The following COL5A1 variants were observed in gnomAD, a reference collection of about 807,000 sequenced individuals.
The protein encoded by COL5A1 is collagen alpha-1(V) chain.
In COL5A1, 16 loss-of-function variants were observed where a neutral mutation model predicts 263.7. The observed-to-expected ratio is 0.06, with a 90% CI of 0.04 to 0.09. The LOEUF (loss-of-function observed/expected upper bound fraction) is 0.09, where lower values mean the gene tolerates loss of function less well. Ranked by LOEUF, COL5A1 falls within the 10% of genes least tolerant of loss-of-function variation. The pLI, the probability that COL5A1 is intolerant of heterozygous loss-of-function variation, is 1.00. For missense variants in COL5A1, 2,036 were observed against 2,540.5 expected (o/e 0.80, Z 4.27); for synonymous variants, 1,012 against 1,004.5 (o/e 1.01, Z -0.14).
chr9:134,752,886 C>T (rs1278336126), intron 14 of COL5A1, among the ~76,000 whole-genome samples: 1 of 152,082 alleles, frequency 6.6e-6, no homozygotes, highest in African/African-American at 2.4e-5. Flanking sequence ...TGAGGGAGTT[C>T]AGCGGGGTAG....
rs747055973 is a variant in COL5A1, at chr9:134,708,730, A to C, written c.654+7397A>C. 69 of 501,404 alleles carry C rather than the reference A, an allele frequency of 1.4e-4. 1 individual carries two copies. The Middle Eastern group carries it at 3.2e-3, about 23-fold the overall frequency. 31.1% of individuals were successfully genotyped at this position (501,404 alleles called of 1,614,324 possible). A position where few individuals can be genotyped will look rare whatever the true frequency, so the allele number is the denominator to read the frequency against. ...AAGGGACAAGGACATTGCACTCTGC[A>C]TGATCTCCTGGGACTGCTGCAACCA... On this transcript the variant is annotated intron_variant, in intron 4 of 65. Coordinates refer to ENST00000371817, the MANE Select transcript of COL5A1 (RefSeq NM_000093.5).
chr9:134,832,862 G>C (rs1353663053), intron 64 of COL5A1: 1 of 152,262 alleles, frequency 6.6e-6, no homozygotes, highest in Non-Finnish European at 1.5e-5. Context: ...TGCTCACTTT[G>C]GGCTTTTTCT....
intron 5 of COL5A1, 142 bp from the exon 6 acceptor site, chr9:134,728,528 C>T: frequency 8.8e-7 from 1 of 1,134,234 alleles, no homozygotes; most frequent in Non-Finnish European, 1.3e-6. Context: ...GGAACCCCAT[C>T]CGGGGACCCA....
chr9:134,727,739 T>C (rs774448965), intron 5 of COL5A1, among the ~76,000 whole-genome samples: 6 of 152,220 alleles, frequency 3.9e-5, no homozygotes, highest in Non-Finnish European at 5.9e-5. Context: ...CTCGATCCAC[T>C]GGAGGGGCCA....
rs926426117 is a variant in COL5A1 at position 134,806,271 on chromosome 9, G to C, written c.3341G>C (p.Gly1114Ala). ...AGACCTGGGCCCCAGGGACCCCCAG[G>C]GCCGGCAGGAGAGAAAGGGGCTCCT... ...PGRPGPQGPP[G>A]PAGEKGAPGE... The change falls in exon 42 of 66, where the codon GGG becomes GCG. Residue 1114 changes from glycine to alanine, a missense_variant. Around this residue, in one of 3 missense-constraint regions of COL5A1, gnomAD observed 1,078 missense variants for 1,521.4 expected, o/e 0.71. Coordinates refer to ENST00000371817, the MANE Select transcript of COL5A1 (RefSeq NM_000093.5). 2.5e-5 allele frequency: 39 copies of C among 1,549,440 alleles called. No individual in the cohort carries two copies. The highest frequency in any genetic ancestry group is 1.9e-4 in the Middle Eastern group (1 of 5,180).
rs1208817841 is a variant in COL5A1, at chr9:134,732,055, C to T, written c.1333-16C>T. On this transcript the variant is annotated splice_polypyrimidine_tract_variant and intron_variant, in intron 8 of 65. Coordinates refer to ENST00000371817, the MANE Select transcript of COL5A1 (RefSeq NM_000093.5). The stretch of plus-strand genomic sequence containing the variant: ...TCTCTCTGATTCTCTTTCCATCTGC[C>T]TTTTATCACCCCCAGATTGGAGGAC... 1 of 1,613,818 alleles carries T rather than the reference C, an allele frequency of 6.2e-7. No individual in the cohort carries two copies. Among genetic ancestry groups the T allele is most frequent in the Non-Finnish European group, 8.5e-7 (1 of 1,179,782 alleles).
At chr9:134,812,782 G>T in intron 48 of COL5A1, 70 bp downstream of exon 48, 4 of 1,060,030 alleles carry the variant, frequency 3.8e-6, no homozygotes, top group Non-Finnish European at 4.3e-6. Flanking sequence ...GTCTGTGTGT[G>T]TGTGTCTGTG....
intron 1 of COL5A1, among the ~76,000 whole-genome samples, chr9:134,690,467 C>T (rs529914864): frequency 2.5e-4 from 38 of 152,316 alleles, no homozygotes; most frequent in African/African-American, 8.2e-4. Flanking sequence ...CGCAGTGGGC[C>T]TTCTGTGGCC....
At chr9:134,739,025 A>G (rs1204869818) in intron 11 of COL5A1, among the ~76,000 whole-genome samples, 1 of 152,164 alleles carries the variant, frequency 6.6e-6, no homozygotes, top group Non-Finnish European at 1.5e-5. Flanking sequence ...CTCGGGGCCC[A>G]GGGAGCCTGC....
At chr9:134,803,425 A>G (rs1281429154) in intron 39 of COL5A1, among the ~76,000 whole-genome samples, 2 of 152,138 alleles carry the variant, frequency 1.3e-5, no homozygotes, top group African/African-American at 4.8e-5. Flanking sequence ...ACCTGAGGTC[A>G]GGAAGTTGAG....
At chr9:134,747,003 T>C (rs1023325609) in intron 11 of COL5A1, among the ~76,000 whole-genome samples, 9 of 152,198 alleles carry the variant, frequency 5.9e-5, no homozygotes, top group African/African-American at 1.7e-4. Context: ...TCAAAGTCTT[T>C]ACGTTAGAGA....
At chr9:134,767,101 G>A in intron 23 of COL5A1, 48 bp downstream of exon 23, 5 of 1,593,254 alleles carry the variant, frequency 3.1e-6, no homozygotes, top group Non-Finnish European at 4.3e-6. Context: ...GCCGTGGGAG[G>A]CACACGTCTC....
chr9:134,708,023 C>T (rs559631316), intron 4 of COL5A1, among the ~76,000 whole-genome samples: 2 of 152,360 alleles, frequency 1.3e-5, no homozygotes, highest in South Asian at 4.1e-4. Context: ...CTCGCCAGAC[C>T]TTCCCTGGGC....
chr9:134,810,106 A>T (rs2132840726), intron 43 of COL5A1, 149 bp from the exon 44 acceptor site: 1 of 833,234 alleles, frequency 1.2e-6, no homozygotes, highest in East Asian at 2.5e-5. Context: ...AATCAAGCTA[A>T]TATATGGAAA....
In COL5A1 at chr9:134,799,285, G is replaced by C. The variant is rs188179282; in HGVS notation, c.2952+824G>C. On this transcript the variant is annotated intron_variant, in intron 37 of 65. Coordinates refer to ENST00000371817, the MANE Select transcript of COL5A1 (RefSeq NM_000093.5). The stretch of plus-strand genomic sequence containing the variant: ...TCGAAATTTGGCCCAGCTCCCTAAA[G>C]GTGTGTTTCAGGAAAGGGTGCAGGC... Among the ~76,000 whole-genome samples the C allele has an allele frequency of 2.6e-5, 4 of 152,298 alleles. No homozygotes were observed. The East Asian group carries it at 7.7e-4, about 29-fold the overall frequency.
chr9:134,651,505 TA>T (rs886869658), intron 1 of COL5A1, among the ~76,000 whole-genome samples: 5 of 151,382 alleles, frequency 3.3e-5, no homozygotes, highest in East Asian at 1.9e-4. Flanking sequence ...AGACCCTGTC[TA>T]AAAAAAAATG....
chr9:134,823,930 AGTG>A (rs1474791131), intron 61 of COL5A1, among the ~76,000 whole-genome samples: 1 of 151,832 alleles, frequency 6.6e-6, no homozygotes, highest in Non-Finnish European at 1.5e-5. Flanking sequence ...GTGCATGTGT[AGTG>A]TGTGTATATT....
At chr9:134,790,614 C>T (rs1837656627) in intron 32 of COL5A1, among the ~76,000 whole-genome samples, 1 of 129,526 alleles carries the variant, frequency 7.7e-6, no homozygotes, top group Non-Finnish European at 1.6e-5. Context: ...ACCCATCCAT[C>T]CATCCATCCA....
intron 25 of COL5A1, among the ~76,000 whole-genome samples, chr9:134,770,464 C>T (rs1320751104): frequency 6.6e-6 from 1 of 152,150 alleles, no homozygotes; most frequent in Non-Finnish European, 1.5e-5. Flanking sequence ...TGGAATATTA[C>T]AGAGCCAGTA....
Sources: gnomAD v4.1 joint callset for allele counts (sites outside exome capture counted in the v4.1 genomes callset) on GRCh38, gnomAD v4.1.1 for gene constraint, gnomAD v4.1.1 regional missense constraint, MANE v1.5 for transcripts, NCBI Gene and HGNC (gene_info 2026-07-23, HGNC 2026-07-21) for gene names.